The following RBFOX1 variants were observed in gnomAD, a reference collection of about 807,000 sequenced individuals.
RBFOX1 encodes the protein RNA binding protein fox-1 homolog 1.
In RBFOX1, 8 loss-of-function variants were observed where a neutral mutation model predicts 57.7. The observed-to-expected ratio is 0.14, with a 90% CI of 0.08 to 0.25. RBFOX1 has a LOEUF of 0.25. Among genes scored for constraint, RBFOX1 ranks in the 10% least tolerant of loss-of-function variants. RBFOX1 has a pLI of 1.00. For synonymous variants in RBFOX1, 326 were observed against 222.4 expected (o/e 1.47, Z -4.15); for missense variants, 611 against 548.5 (o/e 1.11, Z -1.14).
chr16:7,564,106 G>C (rs960849912), intron 5 of RBFOX1, among the ~76,000 whole-genome samples: 2 of 152,124 alleles, frequency 1.3e-5, no homozygotes, highest in African/African-American at 2.4e-5. Flanking sequence ...AACCACCAAA[G>C]GGATGGTGTT....
intron 4 of RBFOX1, among the ~76,000 whole-genome samples, chr16:7,128,428 C>T (rs1218139941): frequency 6.6e-6 from 1 of 152,158 alleles, no homozygotes; most frequent in East Asian, 1.9e-4. Context: ...GATAAATTGG[C>T]AAACCAAGAG....
chr16:5,810,730 C>T (rs892804879), intron 3 of RBFOX1, among the ~76,000 whole-genome samples: 1 of 152,206 alleles, frequency 6.6e-6, no homozygotes, highest in Non-Finnish European at 1.5e-5. Flanking sequence ...GGGACTAAGA[C>T]CTCATAGCTT....
At chr16:6,892,770 G>GTCTGTCTC (rs2065781044) in intron 3 of RBFOX1, among the ~76,000 whole-genome samples, 2 of 91,782 alleles carry the variant, frequency 2.2e-5, no homozygotes, top group African/African-American at 9.5e-5. Flanking sequence ...AAGCCTCCCT[G>GTCTGTCTC]TCTCCCTCTC....
Position 5,278,301 on chromosome 16 carries a change from C to T in RBFOX1, c.219+38196C>T, listed in dbSNP as rs530509076. Among the ~76,000 whole-genome samples, 22 of 152,196 alleles carry T rather than the reference C, an allele frequency of 1.4e-4. No individual in the cohort carries two copies. The East Asian group carries it at 3.3e-3, about 23-fold the overall frequency. On this transcript the variant is annotated intron_variant, in intron 1 of 2. Transcript: ENST00000585867. Reference sequence around the variant, plus strand: ...ATAAACTTGGTGATTTGTGTATCTTCTTCTGAGTAATGTCTATTTTTTGAT... The same window carrying T: ...ATAAACTTGGTGATTTGTGTATCTTTTTCTGAGTAATGTCTATTTTTTGAT...
intron 3 of RBFOX1, among the ~76,000 whole-genome samples, chr16:7,031,567 C>G (rs920092905): frequency 1.3e-5 from 2 of 151,246 alleles, no homozygotes; most frequent in East Asian, 3.9e-4. Flanking sequence ...TGCCACTGCA[C>G]TCCAGCCGAG....
intron 3 of RBFOX1, chr16:6,983,606 C>G (rs963089794): frequency 6.6e-6 from 1 of 152,098 alleles, no homozygotes; most frequent in Non-Finnish European, 1.5e-5. Flanking sequence ...GGCAACATGG[C>G]AACTTTTATA....
Position 6,670,960 on chromosome 16 carries a change from A to G in RBFOX1, c.-16+16310A>G, listed in dbSNP as rs368996359. On this transcript the variant is annotated intron_variant, in intron 3 of 15. Coordinates refer to ENST00000550418, the MANE Select transcript of RBFOX1 (RefSeq NM_018723.4). ...GCTTGCAGCGAGCCGAGATCGTGCCACTGCACTCCAGCCTGGGTGACAGAG... is the reference window on the plus strand; with the variant it reads ...GCTTGCAGCGAGCCGAGATCGTGCCGCTGCACTCCAGCCTGGGTGACAGAG... 8.5e-5 allele frequency among the ~76,000 whole-genome samples: 13 copies of G among 152,306 alleles called. No individual in the cohort carries two copies. In the East Asian group the frequency reaches 1.4e-3, roughly 16 times the overall value.
intron 1 of RBFOX1, among the ~76,000 whole-genome samples, chr16:5,348,186 C>G (rs1045436579): frequency 1.3e-5 from 2 of 151,478 alleles, no homozygotes; most frequent in Admixed American, 6.6e-5. Context: ...ACTCAATAAT[C>G]TACTCTTCCA....
At chr16:7,448,628 G>A (rs557135772) in intron 4 of RBFOX1, among the ~76,000 whole-genome samples, 4 of 152,264 alleles carry the variant, frequency 2.6e-5, no homozygotes, top group African/African-American at 9.6e-5. Flanking sequence ...AGATTTGGCT[G>A]GGGGCACAGC....
At chr16:5,310,945 G>C (rs1246914616) in intron 1 of RBFOX1, among the ~76,000 whole-genome samples, 1 of 152,152 alleles carries the variant, frequency 6.6e-6, no homozygotes, top group Non-Finnish European at 1.5e-5. Context: ...CCTATCACCT[G>C]AGTAGTGTAC....
chr16:6,406,970 C>G (rs1332181118), intron 2 of RBFOX1, among the ~76,000 whole-genome samples: 3 of 152,144 alleles, frequency 2.0e-5, no homozygotes, highest in East Asian at 1.9e-4. Context: ...TGATCCTTGC[C>G]TAACTTCCTG....
At chr16:6,640,342 C>G (rs185946862) in intron 2 of RBFOX1, among the ~76,000 whole-genome samples, 199 of 152,218 alleles carry the variant, frequency 1.3e-3, no homozygotes, top group African/African-American at 4.7e-3. Context: ...GGCATAGTGG[C>G]TCACATCTGT....
At chr16:7,368,949 T>C (rs1273174423) in intron 4 of RBFOX1, among the ~76,000 whole-genome samples, 2 of 151,416 alleles carry the variant, frequency 1.3e-5, no homozygotes, top group East Asian at 1.9e-4. Flanking sequence ...AGAAGGGAGG[T>C]GAATCTTTCT....
chr16:6,177,489 A>T (rs1470469826), intron 1 of RBFOX1, among the ~76,000 whole-genome samples: 1 of 152,118 alleles, frequency 6.6e-6, no homozygotes, highest in Non-Finnish European at 1.5e-5. Context: ...AATAATTTTC[A>T]TACTGTTTCA....
At chr16:6,840,405 TG>T (rs1165186782) in intron 3 of RBFOX1, among the ~76,000 whole-genome samples, 2 of 152,172 alleles carry the variant, frequency 1.3e-5, no homozygotes. Flanking sequence ...CTTCATTAAA[TG>T]TTGAGTATGA....
intron 4 of RBFOX1, among the ~76,000 whole-genome samples, chr16:7,421,914 G>C (rs924222632): frequency 1.3e-5 from 2 of 152,194 alleles, no homozygotes; most frequent in Non-Finnish European, 2.9e-5. Context: ...TTTCGGGTAG[G>C]AAGTGTACAC....
intron 4 of RBFOX1, among the ~76,000 whole-genome samples, chr16:7,230,561 G>T (rs2093439656): frequency 6.6e-6 from 1 of 152,276 alleles, no homozygotes. Context: ...TGAAGGAAAG[G>T]AAAGGAAAGC....
rs577265031 is a variant in RBFOX1 at position 7,704,025 on chromosome 16, T to C, written c.996-5031T>C. Among the ~76,000 whole-genome samples the C allele has an allele frequency of 2.6e-5, 4 of 152,288 alleles. No individual in the cohort carries two copies. The East Asian group carries it at 7.7e-4, about 29-fold the overall frequency. Reference sequence around the variant, plus strand: ...TAGGTGGCTTAATATTTACCTGGCTTTCTTGAATGCACCTTGAGTTAGGTA... The same window carrying C: ...TAGGTGGCTTAATATTTACCTGGCTCTCTTGAATGCACCTTGAGTTAGGTA... On this transcript the variant is annotated intron_variant, in intron 14 of 15. Transcript: ENST00000550418.
intron 2 of RBFOX1, among the ~76,000 whole-genome samples, chr16:6,512,456 C>A: frequency 6.6e-6 from 1 of 151,968 alleles, no homozygotes; most frequent in Non-Finnish European, 1.5e-5. Flanking sequence ...TTGGATAGGT[C>A]ATGGAGTTGA....
Sources: allele counts gnomAD v4.1 joint callset (sites outside exome capture counted in the v4.1 genomes callset), GRCh38; gene constraint gnomAD v4.1.1; transcripts MANE v1.5; gene names NCBI Gene and HGNC (gene_info 2026-07-23, HGNC 2026-07-21).